CHD1: variants seen among roughly 807,000 people sequenced by gnomAD.
The protein encoded by CHD1 is chromodomain helicase DNA binding protein 1.
CHD1 carries 36 observed loss-of-function variants against 224.2 expected under a neutral mutation model. That is an observed-to-expected ratio of 0.16 (90% confidence interval 0.12 to 0.21). The LOEUF is 0.21. Among genes scored for constraint, CHD1 ranks in the 10% least tolerant of loss-of-function variants. CHD1 has a pLI of 1.00. For synonymous variants in CHD1, 668 were observed against 658.3 expected (o/e 1.01, Z -0.23); for missense variants, 1,378 against 1,994.8 (o/e 0.69, Z 5.89).
At chr5:98,892,835 A>C (rs1488301404) in intron 14 of CHD1, 122 bp from the exon 15 acceptor site, 1 of 542,376 alleles carries the variant, frequency 1.8e-6, no homozygotes, top group East Asian at 3.0e-5. Context: ...TAGAAAAAAA[A>C]ATTAGCTAAA....
At chr5:98,905,420 G>T (rs573913253) in intron 2 of CHD1, among the ~76,000 whole-genome samples, 47 of 152,212 alleles carry the variant, frequency 3.1e-4, no homozygotes, top group Admixed American at 1.1e-3. Context: ...AAAATCCTGG[G>T]TTAGAAACTT....
chr5:98,888,257 A>T lies in CHD1; in HGVS notation c.2344-17T>A. The stretch of plus-strand genomic sequence containing the variant: ...AATTAAGTGCTACAGAAACAATTCA[A>T]GTTGTTATATGTTAAAAGACATAAA... On this transcript the variant is annotated splice_polypyrimidine_tract_variant and intron_variant, in intron 16 of 35. Coordinates refer to ENST00000614616, the MANE Select transcript of CHD1 (RefSeq NM_001270.4). The T allele has an allele frequency of 6.3e-7, 1 of 1,589,362 alleles. No homozygotes were observed. Among genetic ancestry groups the T allele is most frequent in the South Asian group, 1.1e-5 (1 of 87,260 alleles).
chr5:98,881,264 T>C lies in CHD1; in HGVS notation c.2964+15A>G. 7.1e-7 allele frequency: 1 copy of C among 1,398,714 alleles called. No individual in the cohort carries two copies. The highest frequency in any genetic ancestry group is 9.5e-7 in the Non-Finnish European group (1 of 1,049,318). 86.6% of individuals were successfully genotyped at this position (1,398,714 alleles called of 1,614,324 possible). On this transcript the variant is annotated intron_variant, in intron 21 of 35. Transcript: ENST00000614616. Reference sequence around the variant, plus strand: ...TTCTGAGGCAGGCCTTTTTTTTTTTTTTTTTTTTTTTTACCTGGGGCTCTT... The same window carrying C: ...TTCTGAGGCAGGCCTTTTTTTTTTTCTTTTTTTTTTTTACCTGGGGCTCTT...
In CHD1 at chr5:98,868,648, T is replaced by G. The variant is rs374845481; in HGVS notation, c.4108-13A>C. 5 of 1,526,764 alleles carry G rather than the reference T, an allele frequency of 3.3e-6. No individual in the cohort carries two copies. Among genetic ancestry groups the G allele is most frequent in the Admixed American group, 2.3e-5 (1 of 44,294 alleles). 94.6% of individuals were successfully genotyped at this position (1,526,764 alleles called of 1,614,324 possible). ...TGGATTCACTCAACTAAAGAAAAAG[T>G]GAAAAGAAAACAAAAACAAAACCCC... is the stretch of plus-strand genomic sequence containing the variant. On this transcript the variant is annotated splice_polypyrimidine_tract_variant and intron_variant, in intron 30 of 35. Transcript: ENST00000614616.
At chr5:98,861,019 CA>C (rs1409932362) in intron 32 of CHD1, among the ~76,000 whole-genome samples, 1 of 152,042 alleles carries the variant, frequency 6.6e-6, no homozygotes, top group African/African-American at 2.4e-5. Context: ...ATTTTCCCCC[CA>C]AAAAATCTAG....
chr5:98,892,956 T>C (rs1420817473), intron 14 of CHD1, among the ~76,000 whole-genome samples: 2 of 152,156 alleles, frequency 1.3e-5, no homozygotes, highest in South Asian at 2.1e-4. Context: ...TTTTGAAGTA[T>C]GGGAGTAATT....
chr5:98,857,238 C>T (rs1054150430), intron 35 of CHD1, among the ~76,000 whole-genome samples: 7 of 151,998 alleles, frequency 4.6e-5, no homozygotes, highest in Non-Finnish European at 7.4e-5. Context: ...TGAATCATTA[C>T]GAAATTTACT....
At chr5:98,893,685 T>A in intron 13 of CHD1, 79 bp from the exon 14 acceptor site, 2 of 861,586 alleles carry the variant, frequency 2.3e-6, no homozygotes, top group Non-Finnish European at 1.8e-6. Flanking sequence ...TGAACTCAAT[T>A]ATTAAAATGA....
At chr5:98,873,335 A>ATG (rs1255290985) in intron 26 of CHD1, among the ~76,000 whole-genome samples, 1 of 152,126 alleles carries the variant, frequency 6.6e-6, no homozygotes, top group Non-Finnish European at 1.5e-5. Flanking sequence ...GAATGTACAT[A>ATG]TGTGTGTGTA....
chr5:98,870,005 C>A, intron 29 of CHD1, 123 bp from the exon 30 acceptor site: 5 of 658,554 alleles, frequency 7.6e-6, no homozygotes, highest in Non-Finnish European at 1.3e-5. Context: ...TGGTAATAAG[C>A]TGTACCAACA....
intron 26 of CHD1, among the ~76,000 whole-genome samples, chr5:98,873,374 C>T (rs1749509277): frequency 6.6e-6 from 1 of 152,118 alleles, no homozygotes; most frequent in African/African-American, 2.4e-5. Flanking sequence ...CCTTACCTCC[C>T]AGACAGAAAA....
In CHD1 at chr5:98,869,792, GAGA is replaced by G. The variant is rs1244439516; in HGVS notation, c.4066_4068del (p.Ser1356del). 4.3e-6 allele frequency: 7 copies of G among 1,613,082 alleles called. No homozygotes were observed. The highest frequency in any genetic ancestry group is 1.3e-5 in the African/African-American group (1 of 74,894). Reference sequence around the variant, plus strand: ...TCATCAGACTTCTCTGAAGGCAGAGGAGAAGAATCACTCTTTATTTCCTCTTTC... The same window carrying G: ...TCATCAGACTTCTCTGAAGGCAGAGGAGAATCACTCTTTATTTCCTCTTTC... On this transcript the variant is annotated inframe_deletion, in exon 30 of 36. Transcript: ENST00000614616.
intron 2 of CHD1, among the ~76,000 whole-genome samples, chr5:98,918,919 C>G (rs1412515651): frequency 6.6e-6 from 1 of 152,112 alleles, no homozygotes; most frequent in Non-Finnish European, 1.5e-5. Context: ...CTCTAGTAAT[C>G]TACCCTCCAT....
intron 31 of CHD1, among the ~76,000 whole-genome samples, chr5:98,866,254 T>C (rs1053387112): frequency 6.6e-6 from 1 of 152,094 alleles, no homozygotes; most frequent in Non-Finnish European, 1.5e-5. Context: ...AAATGGAAGA[T>C]AGGAGCTGCA....
At chr5:98,883,043 A>T in intron 19 of CHD1, 45 bp downstream of exon 19, 1 of 1,193,336 alleles carries the variant, frequency 8.4e-7, no homozygotes. Flanking sequence ...AAAAAAAAAA[A>T]GAATTCTAAA....
At chr5:98,866,264 A>G (rs1748860551) in intron 31 of CHD1, among the ~76,000 whole-genome samples, 1 of 152,250 alleles carries the variant, frequency 6.6e-6, no homozygotes, top group South Asian at 2.1e-4. Context: ...TAGGAGCTGC[A>G]GCAGCTTTGA....
Position 98,870,714 on chromosome 5 carries a change from A to G in CHD1, c.3951T>C (p.Leu1317=). ...DYLIKLLSRD[L]AKKEALSGAG... ...CACCAGAAAGAGCTTCTTTTTTTGC[A>G]AGATCTCTACTAAGTAATTTGATGA... Residue 1317 remains leucine (L), a synonymous_variant, in exon 29 of 36, where the codon CTT becomes CTC. Transcript: ENST00000614616. 2 of 1,602,408 alleles carry G rather than the reference A, an allele frequency of 1.2e-6. No individual in the cohort carries two copies. The highest frequency in any genetic ancestry group is 1.7e-6 in the Non-Finnish European group (2 of 1,174,506).
At chr5:98,870,587 T>C (rs1447608853) in intron 29 of CHD1, 100 bp downstream of exon 29, 13 of 553,872 alleles carry the variant, frequency 2.3e-5, no homozygotes, top group African/African-American at 1.5e-4. Context: ...AATCCATTTA[T>C]ATAAGCTCAT....
chr5:98,898,982 T>TAC (rs910973314), intron 8 of CHD1, among the ~76,000 whole-genome samples: 2 of 152,188 alleles, frequency 1.3e-5, no homozygotes, highest in Non-Finnish European at 2.9e-5. Context: ...ATGTGACTGT[T>TAC]ACCAAGGATA....
Sources: allele counts gnomAD v4.1 joint callset (sites outside exome capture counted in the v4.1 genomes callset), GRCh38; gene constraint gnomAD v4.1.1; transcripts MANE v1.5; gene names NCBI Gene and HGNC (gene_info 2026-07-23, HGNC 2026-07-21).